Variants in AVEN observed in about 807,000 individuals in gnomAD.
AVEN encodes cell death regulator Aven.
AVEN carries 41 observed loss-of-function variants against 38.1 expected under a neutral mutation model. The ratio of observed to expected loss-of-function variants is 1.08; its 90% CI spans 0.84 to 1.40. The LOEUF is 1.40. Ranked by LOEUF, AVEN falls within the 40% of genes most tolerant of loss-of-function variation. The pLI, the probability that AVEN is intolerant of heterozygous loss-of-function variation, is 0.00. For missense variants in AVEN, 605 were observed against 438.8 expected, an observed-to-expected ratio of 1.38 and a Z score of -3.38; for synonymous variants, 206 against 171.8, an observed-to-expected ratio of 1.20 and a Z score of -1.56.
In AVEN at chr15:34,051,813, C is replaced by A. The variant is rs56802714; in HGVS notation, n.1637+11109G>T. Among the ~76,000 whole-genome samples, 4,578 of 151,984 alleles carry A rather than the reference C, an allele frequency of 0.03. 328 individuals carry two copies. The East Asian group carries it at 0.31, about 10-fold the overall frequency. On this transcript the variant is annotated intron_variant and non_coding_transcript_variant, in intron 5 of 11. Coordinates refer to the AVEN transcript ENST00000675287. ...AGAAGAAACTGAATCCCTTAATAGA[C>A]CAATAATGAGTTCTGAAATTGAGGC... is the stretch of plus-strand genomic sequence containing the variant.
intron 3 of AVEN, among the ~76,000 whole-genome samples, chr15:33,873,256 C>A (rs926977109): frequency 1.3e-5 from 2 of 150,832 alleles, no homozygotes; most frequent in Non-Finnish European, 2.9e-5. Context: ...TGCCCCACCA[C>A]GCCCAGCTAA....
chr15:34,032,924 C>T (rs1227358374), intron 1 of AVEN, among the ~76,000 whole-genome samples: 1 of 152,228 alleles, frequency 6.6e-6, no homozygotes, highest in East Asian at 1.9e-4. Flanking sequence ...GAACCTAATA[C>T]AGTCATCACT....
chr15:33,978,704 T>A (rs1896002206), intron 2 of AVEN, among the ~76,000 whole-genome samples: 1 of 151,846 alleles, frequency 6.6e-6, no homozygotes, highest in African/African-American at 2.4e-5. Flanking sequence ...ATAAATAAAA[T>A]TAAGGTGTAC....
At chr15:33,991,667 G>C (rs1295159696) in intron 2 of AVEN, 3 of 152,112 alleles carry the variant, frequency 2.0e-5, no homozygotes, top group East Asian at 1.9e-4. Flanking sequence ...TTTATCAGTA[G>C]AGCAAAAGAG....
Position 33,870,919 on chromosome 15 carries a change from G to T in AVEN, c.612+16C>A, listed in dbSNP as rs112925793. ...GCCCTAATCCACCCGCTTCAAGAGG[G>T]CTTCGGGATTTTTACCTGGACCAGT... On this transcript the variant is annotated intron_variant, in intron 4 of 5. Transcript: ENST00000306730. The T allele has an allele frequency of 1.2e-5, 19 of 1,601,246 alleles. 1 individual carries two copies. The South Asian group carries it at 1.9e-4, about 16-fold the overall frequency.
Position 33,866,681 on chromosome 15 carries a change from G to T in AVEN, c.1021C>A (p.Gln341Lys), listed in dbSNP as rs756625591. 1 of 1,613,984 alleles carries T rather than the reference G, an allele frequency of 6.2e-7. No individual in the cohort carries two copies. The highest frequency in any genetic ancestry group is 1.7e-5 in the Admixed American group (1 of 60,014). Residue 341 changes from glutamine to lysine, a missense_variant, in exon 6 of 6, where the codon CAA becomes AAA. Gln to Lys is a moderately conservative substitution (Grantham distance 53). Transcript: ENST00000306730. ...VTEEKNMEPE[Q>K]PSTSKNVTEE... The stretch of plus-strand genomic sequence containing the variant: ...GTAACATTTTTGGAGGTACTTGGTT[G>T]CTCAGGTTCCATGTTTTTTTCTTCA...
chr15:33,917,455 C>T (rs1043953139), intron 2 of AVEN, among the ~76,000 whole-genome samples: 3 of 148,788 alleles, frequency 2.0e-5, no homozygotes, highest in Non-Finnish European at 4.5e-5. Flanking sequence ...TATACACACA[C>T]ACATATATAT....
chr15:33,994,861 G>C (rs1386947109), intron 2 of AVEN, among the ~76,000 whole-genome samples: 1 of 152,050 alleles, frequency 6.6e-6, no homozygotes, highest in African/African-American at 2.4e-5. Flanking sequence ...TTTGAGAATT[G>C]GACCAGAGGT....
chr15:33,945,265 C>A (rs1894464217), intron 2 of AVEN, among the ~76,000 whole-genome samples: 2 of 152,202 alleles, frequency 1.3e-5, no homozygotes, highest in Admixed American at 6.5e-5. Context: ...TATGTCACCA[C>A]AGAAACAGCT....
At chr15:33,857,845 C>A (rs2079855405), downstream of AVEN, 4 of 1,614,192 alleles carry the variant, frequency 2.5e-6, no homozygotes, top group Non-Finnish European at 3.4e-6. Flanking sequence ...CTTTCAACTT[C>A]TTCCGCAAGT....
chr15:34,007,782 G>T (rs1401229540), intron 1 of AVEN, among the ~76,000 whole-genome samples: 3 of 152,192 alleles, frequency 2.0e-5, no homozygotes, highest in Admixed American at 2.0e-4. Flanking sequence ...TGAAATCTGG[G>T]TATTGGTAGG....
upstream of AVEN, among the ~76,000 whole-genome samples, chr15:34,041,310 C>T (rs868536364): frequency 1.1e-4 from 16 of 152,182 alleles, no homozygotes; most frequent in Middle Eastern, 0.01. Flanking sequence ...GCAAAAGGTA[C>T]GTTTTAGTAT....
At chr15:34,025,236 G>C (rs1209719352) in intron 1 of AVEN, among the ~76,000 whole-genome samples, 2 of 152,172 alleles carry the variant, frequency 1.3e-5, no homozygotes, top group African/African-American at 4.8e-5. Context: ...TGAAGTGTGG[G>C]AGGGAAATGT....
chr15:34,013,083 A>C (rs1418533035), intron 1 of AVEN, among the ~76,000 whole-genome samples: 3 of 151,630 alleles, frequency 2.0e-5, no homozygotes, highest in Non-Finnish European at 4.4e-5. Flanking sequence ...GTTTTTTGAG[A>C]CAGAGTCTCA....
intron 2 of AVEN, among the ~76,000 whole-genome samples, chr15:33,989,254 C>T (rs1896614327): frequency 6.6e-6 from 1 of 152,054 alleles, no homozygotes; most frequent in South Asian, 2.1e-4. Context: ...ATGACAGCCC[C>T]GTGTTAATGA....
chr15:33,961,596 G>A lies in AVEN; in HGVS notation c.445+41436C>T, dbSNP rs563449307. Among the ~76,000 whole-genome samples the A allele has an allele frequency of 7.3e-4, 111 of 151,694 alleles. 2 individuals carry two copies. In the East Asian group the frequency reaches 0.013, roughly 17 times the overall value. Reference sequence around the variant, plus strand: ...TGGGAGGCCAAGGTGGGCGAATCACGAGGTCAGGAGATCGAGACCATTCTG... The same window carrying A: ...TGGGAGGCCAAGGTGGGCGAATCACAAGGTCAGGAGATCGAGACCATTCTG... On this transcript the variant is annotated intron_variant, in intron 2 of 5. Transcript: ENST00000306730.
chr15:33,931,840 T>C (rs1316841534), intron 2 of AVEN, among the ~76,000 whole-genome samples: 1 of 152,160 alleles, frequency 6.6e-6, no homozygotes, highest in Non-Finnish European at 1.5e-5. Context: ...CAGCTAGAAG[T>C]ATAGTTGATT....
intron 2 of AVEN, among the ~76,000 whole-genome samples, chr15:33,985,646 G>GT (rs1262411815): frequency 6.6e-6 from 1 of 151,944 alleles, no homozygotes; most frequent in Non-Finnish European, 1.5e-5. Flanking sequence ...GCACTGTGTT[G>GT]TAGGCATTTC....
rs994460733 is a variant in AVEN at position 34,063,111 on chromosome 15, A to G, written n.1448T>C. 6.2e-7 allele frequency: 1 copy of G among 1,614,000 alleles called. No individual in the cohort carries two copies. Among genetic ancestry groups the G allele is most frequent in the Non-Finnish European group, 8.5e-7 (1 of 1,180,048 alleles). ...GATCAGTTTTGACCGTTACTTTTCCATCACAAGACCCTTGACATATCGGGC... is the reference window on the plus strand; with the variant it reads ...GATCAGTTTTGACCGTTACTTTTCCGTCACAAGACCCTTGACATATCGGGC... On this transcript the variant is annotated non_coding_transcript_exon_variant, in exon 5 of 12. Transcript: ENST00000675287. The surrounding 1 kb of genome is among the most constrained non-coding windows in gnomAD (Gnocchi z 4.1).
Sources: allele counts gnomAD v4.1 joint callset (sites outside exome capture counted in the v4.1 genomes callset), GRCh38; gene constraint gnomAD v4.1.1; non-coding constraint Gnocchi (gnomAD v3.1); transcripts MANE v1.5; gene names NCBI Gene and HGNC (gene_info 2026-07-23, HGNC 2026-07-21).